The following LRRC40 variants were observed in gnomAD, a reference collection of about 807,000 sequenced individuals.
LRRC40 encodes leucine-rich repeat-containing protein 40.
In LRRC40, 76 loss-of-function variants were observed where a neutral mutation model predicts 72.8. The ratio of observed to expected loss-of-function variants is 1.04; its 90% CI spans 0.87 to 1.26. LRRC40 has a LOEUF of 1.26. LRRC40 is among the 50% of genes most tolerant of loss of function. The pLI is 0.00. For missense variants in LRRC40, 684 were observed against 698.9 expected (o/e 0.98, Z 0.24); for synonymous variants, 243 against 254.2 (o/e 0.96, Z 0.42).
intron 9 of LRRC40, among the ~76,000 whole-genome samples, chr1:70,170,685 C>A (rs1170612286): frequency 6.6e-6 from 1 of 152,028 alleles, no homozygotes; most frequent in East Asian, 1.9e-4. Flanking sequence ...AACTTACAGT[C>A]TGAAAACTAT....
At position 70,187,299 on chromosome 1, in the gene LRRC40, T is replaced by C; in HGVS notation, c.373A>G (p.Arg125Gly). 1.3e-6 allele frequency: 2 copies of C among 1,589,304 alleles called. No homozygotes were observed. Among genetic ancestry groups the C allele is most frequent in the Middle Eastern group, 1.7e-4 (1 of 6,022 alleles). Residue 125 changes from arginine (R) to glycine (G), a missense_variant, in exon 3 of 15, where the codon AGA becomes GGA. Physicochemically the swap from Arg to Gly is moderately radical, Grantham distance 125 (BLOSUM62 -2). Transcript: ENST00000370952. ...AGTTTCTGAAGATTTTCTAGCTCTC[T>C]TATAGCAGAAGGAAGGGATGTCAAC... The part of the protein sequence containing the change: ...NQLTSLPSAI[R>G]ELENLQKLNV...
At chr1:70,183,542 T>C (rs893074933) in intron 4 of LRRC40, among the ~76,000 whole-genome samples, 2 of 152,080 alleles carry the variant, frequency 1.3e-5, no homozygotes, top group African/African-American at 2.4e-5. Flanking sequence ...TTCTCTCTCT[T>C]TCTTTTTCTT....
At chr1:70,187,393 A>G in intron 2 of LRRC40, 55 bp from the exon 3 acceptor site, 1 of 857,280 alleles carries the variant, frequency 1.2e-6, no homozygotes, top group South Asian at 1.5e-5. Flanking sequence ...TTAACAATAT[A>G]TAAGCTTTGC....
At chr1:70,194,766 T>C (rs1304972288) in intron 1 of LRRC40, among the ~76,000 whole-genome samples, 2 of 152,118 alleles carry the variant, frequency 1.3e-5, no homozygotes. Flanking sequence ...GGTCAAACAA[T>C]TTTGAAATAA....
Position 70,181,201 on chromosome 1 carries a change from T to G in LRRC40, c.546A>C (p.Ser182=). ...QLSNLEDLDL[S]NNHLTTVPAS... ...CAGGAACAGTTGTAAGATGATTGTT[T>G]GAAAGATCCTTTAAAAAGAGAAAGA... Residue 182 remains serine, a synonymous_variant, in exon 5 of 15, where the codon TCA becomes TCC. Coordinates refer to ENST00000370952, the MANE Select transcript of LRRC40 (RefSeq NM_017768.5). The G allele has an allele frequency of 6.5e-7, 1 of 1,541,724 alleles. No homozygotes were observed. The highest frequency in any genetic ancestry group is 8.7e-7 in the Non-Finnish European group (1 of 1,149,156).
chr1:70,180,937 G>A (rs895974283), intron 5 of LRRC40, 149 bp downstream of exon 5: 2 of 511,044 alleles, frequency 3.9e-6, no homozygotes, highest in East Asian at 3.7e-5. Context: ...ATAATGGTCT[G>A]GAGAAAATCT....
At chr1:70,188,395 C>T (rs7533067) in intron 2 of LRRC40, among the ~76,000 whole-genome samples, 31,277 of 152,082 alleles carry the variant, frequency 0.21, 3,477 homozygotes, top group East Asian at 0.36. Flanking sequence ...GCAAGTAATA[C>T]ATATACATAT....
intron 4 of LRRC40, among the ~76,000 whole-genome samples, chr1:70,182,040 T>C (rs1668258033): frequency 6.6e-6 from 1 of 151,968 alleles, no homozygotes; most frequent in Non-Finnish European, 1.5e-5. Context: ...CACTAAACAA[T>C]TCATTTAATC....
At chr1:70,156,506 A>C (rs891984692) in intron 10 of LRRC40, among the ~76,000 whole-genome samples, 5 of 152,208 alleles carry the variant, frequency 3.3e-5, no homozygotes, top group African/African-American at 9.6e-5. Flanking sequence ...GTAAATATAA[A>C]TAAATTTCCT....
Position 70,171,227 on chromosome 1 carries a change from T to G in LRRC40, c.1111+2238A>C, listed in dbSNP as rs151275839. Among the ~76,000 whole-genome samples the G allele has an allele frequency of 2.6e-3, 396 of 152,096 alleles. 4 individuals carry two copies. Among genetic ancestry groups the G allele is most frequent in the African/African-American group, 8.7e-3 (362 of 41,526 alleles). On this transcript the variant is annotated intron_variant, in intron 9 of 14. Coordinates refer to ENST00000370952, the MANE Select transcript of LRRC40 (RefSeq NM_017768.5). ...TTCAAAACTGATCAAAGACCTAAAT[T>G]TTAAAACAATGGCGTTATAAAATGT...
chr1:70,189,188 C>T lies in LRRC40; in HGVS notation c.237G>A (p.Trp79Ter). The stretch of plus-strand genomic sequence containing the variant: ...TTAGTTTGGTCAAATCTGTCTGCTC[C>T]CACCATCTTTCAGTAGCACCAAACG... ...NLSFGATERWWEQTDLTKLII... is the reference protein window; with the variant it reads ...NLSFGATERW The change falls in exon 2 of 15, where the codon TGG becomes TGA. Residue 79 changes from tryptophan to a stop codon, truncating the protein, a stop_gained. Transcript: ENST00000370952. LOFTEE classifies it high-confidence loss of function. 1 of 1,613,236 alleles carries T rather than the reference C, an allele frequency of 6.2e-7. No individual in the cohort carries two copies. The highest frequency in any genetic ancestry group is 8.5e-7 in the Non-Finnish European group (1 of 1,179,814).
chr1:70,155,841 C>A, intron 10 of LRRC40, 45 bp from the exon 11 acceptor site: 1 of 816,046 alleles, frequency 1.2e-6, no homozygotes, highest in South Asian at 2.2e-5. Flanking sequence ...CTTAGCAGTC[C>A]AAAAAGATAT....
rs779090823 is a variant in LRRC40 at position 70,187,311 on chromosome 1, G to A, written c.361C>T (p.Pro121Ser). 1 of 1,584,678 alleles carries A rather than the reference G, an allele frequency of 6.3e-7. No homozygotes were observed. The highest frequency in any genetic ancestry group is 8.6e-7 in the Non-Finnish European group (1 of 1,157,440). ...TTTTCTAGCTCTCTTATAGCAGAAG[G>A]AAGGGATGTCAACTGATTATCATGT... is the stretch of plus-strand genomic sequence containing the variant. ...DIHDNQLTSL[P>S]SAIRELENLQ... The change falls in exon 3 of 15, where the codon CCT becomes TCT. Residue 121 changes from proline to serine, a missense_variant. Pro to Ser is a moderately conservative substitution (Grantham distance 74, BLOSUM62 -1). Transcript: ENST00000370952.
chr1:70,178,948 G>C lies in LRRC40; in HGVS notation c.707C>G (p.Pro236Arg), dbSNP rs768064576. 1 of 1,600,106 alleles carries C rather than the reference G, an allele frequency of 6.2e-7. No homozygotes were observed. Among genetic ancestry groups the C allele is most frequent in the Admixed American group, 1.7e-5 (1 of 59,518 alleles). Residue 236 changes from proline to arginine, a missense_variant, in exon 6 of 15, where the codon CCT (proline) becomes CGT (arginine). Pro to Arg is a moderately radical substitution (Grantham distance 103). Coordinates refer to ENST00000370952, the MANE Select transcript of LRRC40 (RefSeq NM_017768.5). ...TGATTCCATGCCAGCCAATTCAGGA[G>C]GTATAGTTTCCAAGAGATTTGAATT... Reference protein sequence around the residue: ...DCNSNLLETIPPELAGMESLE... With the variant: ...DCNSNLLETIRPELAGMESLE...
At position 70,173,725 on chromosome 1, in the gene LRRC40, T is replaced by C. The variant is rs767354639; in HGVS notation, c.978-16A>G. The C allele has an allele frequency of 2.5e-5, 32 of 1,305,864 alleles. No homozygotes were observed. The highest frequency in any genetic ancestry group is 5.4e-5 in the South Asian group (4 of 73,610). The allele number at this position is 1,305,864 out of a possible 1,614,324, so 80.9% of individuals were successfully genotyped here. A position where few individuals can be genotyped will look rare whatever the true frequency, so the allele number is the denominator to read the frequency against. On this transcript the variant is annotated splice_polypyrimidine_tract_variant and intron_variant, in intron 7 of 14. Transcript: ENST00000370952. ...ATAGGGAAGACTATAAAAGATTAAA[T>C]TGATTTCAGGGAAAGCATCAAATAT... is the stretch of plus-strand genomic sequence containing the variant.
intron 1 of LRRC40, among the ~76,000 whole-genome samples, chr1:70,199,215 T>TCACACACACACACACA (rs3223615): frequency 1.8e-4 from 25 of 140,516 alleles, no homozygotes; most frequent in African/African-American, 6.3e-4. Flanking sequence ...ATACATAGTC[T>TCACACACACACACACA]CACACACACA....
Position 70,159,453 on chromosome 1 carries a change from C to G in LRRC40, c.1112-15G>C, listed in dbSNP as rs1186778039. 3.2e-6 allele frequency: 4 copies of G among 1,233,812 alleles called. No individual in the cohort carries two copies. The allele number at this position is 1,233,812 out of a possible 1,614,324, so 76.4% of individuals were successfully genotyped here. A position where few individuals can be genotyped will look rare whatever the true frequency, so the allele number is the denominator to read the frequency against. Reference sequence around the variant, plus strand: ...AGGTCCATCATCTGGCAAAAGAAAACTTATATGAAGCCAATATTTATACTA... The same window carrying G: ...AGGTCCATCATCTGGCAAAAGAAAAGTTATATGAAGCCAATATTTATACTA... On this transcript the variant is annotated splice_polypyrimidine_tract_variant and intron_variant, in intron 9 of 14. Transcript: ENST00000370952.
intron 9 of LRRC40, 47 bp downstream of exon 9, chr1:70,173,418 C>T (rs760787864): frequency 2.2e-6 from 3 of 1,357,386 alleles, no homozygotes; most frequent in Non-Finnish European, 3.1e-6. Context: ...TAATTCTTCA[C>T]CACTTTTTAT....
At chr1:70,148,233 C>G (rs1667364241) in intron 14 of LRRC40, among the ~76,000 whole-genome samples, 1 of 150,612 alleles carries the variant, frequency 6.6e-6, no homozygotes, top group African/African-American at 2.4e-5. Flanking sequence ...TAAACATACA[C>G]AGTGATAGCG....
Sources: gnomAD v4.1 joint callset for allele counts (sites outside exome capture counted in the v4.1 genomes callset) on GRCh38, gnomAD v4.1.1 for gene constraint, MANE v1.5 for transcripts, NCBI Gene and HGNC (gene_info 2026-07-23, HGNC 2026-07-21) for gene names.